The following MYO15B variants were observed in gnomAD, a reference collection of about 807,000 sequenced individuals.
MYO15B encodes the protein myosin XVB pseudogene.
In MYO15B, 207 loss-of-function variants were observed where a neutral mutation model predicts 119.3. The observed-to-expected ratio is 1.73, with a 90% CI of 1.55 to 1.95. The LOEUF is 1.95. MYO15B is among the 30% of genes most tolerant of loss of function. The pLI is 0.00. For synonymous variants in MYO15B, 966 were observed against 498.9 expected (o/e 1.94, Z -12.48); for missense variants, 2,264 against 1,203.1 (o/e 1.88, Z -13.04).
At chr17:75,603,626 T>C (rs773731354) in intron 19 of MYO15B, among the ~76,000 whole-genome samples, 2 of 151,842 alleles carry the variant, frequency 1.3e-5, no homozygotes, top group Non-Finnish European at 2.9e-5. Context: ...GCTCACGGTC[T>C]AGTGCCCACA....
At chr17:75,623,730 C>G in intron 53 of MYO15B, 51 bp from the exon 54 acceptor site, 1 of 701,052 alleles carries the variant, frequency 1.4e-6, no homozygotes, top group East Asian at 2.7e-5. Flanking sequence ...CTTCAGACCC[C>G]AGGCTCACCG....
At chr17:75,626,169 C>G (rs111581912) in exon 63 of MYO15B, 5 of 702,946 alleles carry the variant, frequency 7.1e-6, no homozygotes, top group Middle Eastern at 2.3e-4. Flanking sequence ...GCCCCCTGGC[C>G]TGGAAGTCAA....
At chr17:75,624,190 G>T in exon 56 of MYO15B, 1 of 703,014 alleles carries the variant, frequency 1.4e-6, no homozygotes, top group Non-Finnish European at 2.6e-6. Context: ...GCCCGGAGCA[G>T]CCAGGAGCAC....
intron 41 of MYO15B, 129 bp downstream of exon 41, chr17:75,617,433 T>G: frequency 3.5e-6 from 2 of 564,190 alleles, no homozygotes; most frequent in South Asian, 2.3e-5. Flanking sequence ...CTTCTGGACT[T>G]TGGAGCCATA....
In MYO15B at chr17:75,594,825, C is replaced by A; in HGVS notation, c.3165-15C>A. On this transcript the variant is annotated splice_polypyrimidine_tract_variant and intron_variant, in intron 11 of 63. Coordinates refer to ENST00000645453, the Ensembl canonical transcript of MYO15B. ...GCACGGCTCTATGTGGCTCACCCAC[C>A]CGCCATGCCTACAGGGACGCCCTGG... 1.4e-6 allele frequency: 1 copy of A among 702,908 alleles called. No individual in the cohort carries two copies. Among genetic ancestry groups the A allele is most frequent in the South Asian group, 1.5e-5 (1 of 67,598 alleles). 43.5% of individuals were successfully genotyped at this position (702,908 alleles called of 1,614,324 possible).
chr17:75,588,225 C>T (rs1287936063), exon 1 of MYO15B: 3 of 397,992 alleles, frequency 7.5e-6, no homozygotes, highest in East Asian at 3.6e-5. Context: ...AGCCTGCCAC[C>T]GCCGGGGGCC....
intron 14 of MYO15B, among the ~76,000 whole-genome samples, chr17:75,599,148 G>T (rs944755479): frequency 6.6e-6 from 1 of 152,010 alleles, no homozygotes; most frequent in Admixed American, 6.6e-5. Context: ...TCCTCCCACC[G>T]TTGCCTCTCA....
At chr17:75,624,381 G>T in exon 57 of MYO15B, 1 of 702,528 alleles carries the variant, frequency 1.4e-6, no homozygotes, top group Non-Finnish European at 2.6e-6. Flanking sequence ...AAGGACAAGC[G>T]ATTCGCCTGC....
chr17:75,602,123 C>T (rs542831720), intron 15 of MYO15B, among the ~76,000 whole-genome samples: 6 of 152,278 alleles, frequency 3.9e-5, no homozygotes, highest in African/African-American at 1.2e-4. Context: ...GGAGATGGCA[C>T]ACTTTGCTTG....
chr17:75,624,654 G>A lies in MYO15B; in HGVS notation c.8542+15G>A, dbSNP rs890102512. 5.7e-6 allele frequency: 4 copies of A among 702,870 alleles called. No homozygotes were observed. The highest frequency in any genetic ancestry group is 3.5e-5 in the African/African-American group (2 of 57,234). The allele number at this position is 702,870 out of a possible 1,614,324, so 43.5% of individuals were successfully genotyped here. A position where few individuals can be genotyped will look rare whatever the true frequency, so the allele number is the denominator to read the frequency against. On this transcript the variant is annotated intron_variant, in intron 58 of 63. Transcript: ENST00000645453. The stretch of plus-strand genomic sequence containing the variant: ...CAAAGAGAAGAGTAAGCTTGGGGAC[G>A]GAGCCTCACGGTGGGGCCACTCCCC...
At chr17:75,592,960 T>G in intron 9 of MYO15B, 120 bp downstream of exon 9, 1 of 606,134 alleles carries the variant, frequency 1.6e-6, no homozygotes, top group Non-Finnish European at 3.0e-6. Flanking sequence ...CCCTGAAAAG[T>G]GGGTAGATCC....
intron 52 of MYO15B, 144 bp from the exon 53 acceptor site, chr17:75,621,860 C>A: frequency 3.2e-6 from 2 of 624,012 alleles, no homozygotes; most frequent in South Asian, 1.8e-5. Flanking sequence ...AGTCGAGCTG[C>A]AACCAGCTGC....
chr17:75,592,840 G>A, exon 9 of MYO15B: 1 of 701,250 alleles, frequency 1.4e-6, no homozygotes, highest in South Asian at 1.5e-5. Flanking sequence ...CCTCCTCAGA[G>A]GTGGGCTTCC....
exon 56 of MYO15B, chr17:75,624,209 C>T (rs770918893): frequency 1.5e-4 from 104 of 702,786 alleles, no homozygotes; most frequent in South Asian, 7.4e-5. Context: ...ACCTCCAGCG[C>T]ACAGTCAAAT....
chr17:75,611,757 C>G (rs2058044661), intron 24 of MYO15B, 99 bp downstream of exon 24: 1 of 693,220 alleles, frequency 1.4e-6, no homozygotes, highest in African/African-American at 1.8e-5. Context: ...ATGCTCCAGA[C>G]TCCCCTGAGC....
At chr17:75,594,559 C>T in exon 10 of MYO15B, 1 of 651,866 alleles carries the variant, frequency 1.5e-6, no homozygotes, top group Admixed American at 2.4e-5. Flanking sequence ...ACCAGAGTGC[C>T]TGGAGGGGGC....
intron 15 of MYO15B, chr17:75,602,261 C>T: frequency 1.7e-6 from 1 of 581,076 alleles, no homozygotes; most frequent in South Asian, 2.0e-5. Flanking sequence ...CTTGTCTAGT[C>T]AACCTATTGA....
chr17:75,615,276 C>G (rs1471250507), exon 34 of MYO15B: 4 of 702,590 alleles, frequency 5.7e-6, no homozygotes, highest in Non-Finnish European at 2.6e-6. Context: ...GCATACCAGC[C>G]AGGCATGGTC....
chr17:75,596,909 A>G lies in MYO15B; in HGVS notation c.3525+10A>G. 1 of 692,230 alleles carries G rather than the reference A, an allele frequency of 1.4e-6. No individual in the cohort carries two copies. The highest frequency in any genetic ancestry group is 2.6e-6 in the Non-Finnish European group (1 of 380,100). 42.9% of individuals were successfully genotyped at this position (692,230 alleles called of 1,614,324 possible). ...GACATGGCTGTCCCAGGTAAGGGCCAGGATGGTGACCCCCCACCCAGTGTC... is the reference window on the plus strand; with the variant it reads ...GACATGGCTGTCCCAGGTAAGGGCCGGGATGGTGACCCCCCACCCAGTGTC... On this transcript the variant is annotated intron_variant, in intron 14 of 63. Transcript: ENST00000645453.
Sources: gnomAD v4.1 joint callset for allele counts (sites outside exome capture counted in the v4.1 genomes callset) on GRCh38, gnomAD v4.1.1 for gene constraint, MANE v1.5 for transcripts, NCBI Gene and HGNC (gene_info 2026-07-23, HGNC 2026-07-21) for gene names.